The following ZNF114 variants were observed in gnomAD, a reference collection of about 807,000 sequenced individuals.
ZNF114 encodes zinc finger protein 114, also known as zinc finger protein 114 (Y18).
In ZNF114, 8 loss-of-function variants were observed where a neutral mutation model predicts 6.8. That is an observed-to-expected ratio of 1.18 (90% CI 0.69 to 2.13). The LOEUF (loss-of-function observed/expected upper bound fraction) is 2.13, where lower values mean the gene tolerates loss of function less well. Ranked by LOEUF, ZNF114 falls within the 30% of genes most tolerant of loss-of-function variation. ZNF114 has a pLI of 0.00. For synonymous variants in ZNF114, 169 were observed against 185.5 expected (o/e 0.91, Z 0.72); for missense variants, 472 against 519.5 (o/e 0.91, Z 0.89).
At chr19:48,278,516 T>C (rs986914779) in intron 3 of ZNF114, among the ~76,000 whole-genome samples, 5 of 152,232 alleles carry the variant, frequency 3.3e-5, no homozygotes, top group Non-Finnish European at 7.3e-5. Flanking sequence ...CAGAGCTCAC[T>C]GGGTTGTAGT....
In ZNF114 at chr19:48,280,187, A is replaced by C. The variant is rs537830925; in HGVS notation, c.9+379A>C. On this transcript the variant is annotated intron_variant, in intron 4 of 5. Transcript: ENST00000595607. ...CATTTGAGGCCAGGAGTTCAAAACC[A>C]GCCTGGGCAATGTAGCAAGACCACC... Among the ~76,000 whole-genome samples the C allele has an allele frequency of 2.0e-5, 3 of 152,218 alleles. No homozygotes were observed. In the South Asian group the frequency reaches 6.2e-4, roughly 32 times the overall value.
At chr19:48,273,629 C>T (rs1967738173) in intron 3 of ZNF114, among the ~76,000 whole-genome samples, 1 of 151,884 alleles carries the variant, frequency 6.6e-6, no homozygotes, top group Non-Finnish European at 1.5e-5. Flanking sequence ...TCCTTGGGAA[C>T]TATAAGGTCA....
intron 4 of ZNF114, among the ~76,000 whole-genome samples, chr19:48,281,003 G>C (rs7252774): frequency 0.74 from 112,957 of 152,046 alleles, 42,631 homozygotes; most frequent in Middle Eastern, 0.84. Context: ...CAGGGCCACA[G>C]GTGATGGTGT....
intron 4 of ZNF114, 35 bp downstream of exon 4, chr19:48,279,843 T>C: frequency 6.2e-7 from 1 of 1,613,682 alleles, no homozygotes; most frequent in Non-Finnish European, 8.5e-7. Context: ...CAGAAGCGTG[T>C]TGTCGTTCCC....
At position 48,286,959 on chromosome 19, in the gene ZNF114, G is replaced by T; in HGVS notation, c.*81G>T. On this transcript the variant is annotated 3_prime_UTR_variant, in exon 6 of 6. Coordinates refer to ENST00000595607, the MANE Select transcript of ZNF114 (RefSeq NM_153608.4). The stretch of plus-strand genomic sequence containing the variant: ...GACATATTGGAAGGGAGCTCAAGGG[G>T]TTAGCATGAGTGAGAACATCTTCCC... 2 of 1,403,274 alleles carry T rather than the reference G, an allele frequency of 1.4e-6. No homozygotes were observed. Among genetic ancestry groups the T allele is most frequent in the Non-Finnish European group, 1.9e-6 (2 of 1,049,638 alleles). 86.9% of individuals were successfully genotyped at this position (1,403,274 alleles called of 1,614,324 possible). A position where few individuals can be genotyped will look rare whatever the true frequency, so the allele number is the denominator to read the frequency against.
In ZNF114 at chr19:48,285,837, C is replaced by G. The variant is rs1399585868; in HGVS notation, c.213C>G (p.Ala71=). The change falls in exon 6 of 6, where the codon GCC becomes GCG. Residue 71 remains alanine, a synonymous_variant. Coordinates refer to ENST00000595607, the MANE Select transcript of ZNF114 (RefSeq NM_153608.4). ...DILPKRTFPE[A]NRVCLTSISS... ...TTCCTAAAAGAACATTTCCTGAAGC[C>G]AACAGAGTGTGTCTCACGAGCATCA... 13 of 1,614,042 alleles carry G rather than the reference C, an allele frequency of 8.1e-6. No homozygotes were observed. In the African/African-American group the frequency reaches 1.5e-4, roughly 18 times the overall value.
At chr19:48,277,810 T>TGTGTGTGTGTGC (rs1259735902) in intron 3 of ZNF114, among the ~76,000 whole-genome samples, 2 of 151,062 alleles carry the variant, frequency 1.3e-5, no homozygotes, top group African/African-American at 4.9e-5. Flanking sequence ...TGTGTGTGTG[T>TGTGTGTGTGTGC]GTGTGTGTGT....
chr19:48,281,084 C>T (rs1270182003), intron 4 of ZNF114, among the ~76,000 whole-genome samples: 13 of 151,878 alleles, frequency 8.6e-5, no homozygotes, highest in Admixed American at 6.6e-5. Flanking sequence ...TCGAAGCTGC[C>T]GTGAGCTGCA....
chr19:48,286,823 C>A lies in ZNF114; in HGVS notation c.1199C>A (p.Ser400Ter). The change falls in exon 6 of 6, where the codon TCG (serine) becomes TAG (stop). Residue 400 changes from serine to a stop codon, truncating the protein, a stop_gained. Coordinates refer to ENST00000595607, the MANE Select transcript of ZNF114 (RefSeq NM_153608.4). LOFTEE classifies it low-confidence loss of function (END_TRUNC). ...ACATGTGGAAAAGACTTTGCAAAGT[C>A]GTCAGGACTTAAAAAACATCTTAAG... ...CKTCGKDFAKSSGLKKHLKTH... is the reference protein window; with the variant it reads ...CKTCGKDFAK 1 of 1,590,150 alleles carries A rather than the reference C, an allele frequency of 6.3e-7. No individual in the cohort carries two copies. Among genetic ancestry groups the A allele is most frequent in the South Asian group, 1.2e-5 (1 of 85,912 alleles).
At position 48,277,796 on chromosome 19, in the gene ZNF114, T is replaced by G. The variant is rs73942217; in HGVS notation, c.-69-1935T>G. ...ATAGACTGACCAGGGAGGCATTGGG[T>G]GTGTGTGTGTGTGTGTGTGTGTGTG... On this transcript the variant is annotated intron_variant, in intron 3 of 5. Transcript: ENST00000595607. Among the ~76,000 whole-genome samples, 42 of 81,514 alleles carry G rather than the reference T, an allele frequency of 5.2e-4. 1 individual carries two copies. The highest frequency in any genetic ancestry group is 2.4e-3 in the East Asian group (4 of 1,638). 53.5% of individuals were successfully genotyped at this position (81,514 alleles called of 152,430 possible).
chr19:48,281,171 C>A (rs993461005), intron 4 of ZNF114, among the ~76,000 whole-genome samples: 1 of 151,246 alleles, frequency 6.6e-6, no homozygotes, highest in African/African-American at 2.4e-5. Flanking sequence ...GTCATACGAC[C>A]GGACGTCAGT....
chr19:48,281,881 A>C, intron 4 of ZNF114, among the ~76,000 whole-genome samples: 1 of 140,618 alleles, frequency 7.1e-6, no homozygotes, highest in East Asian at 2.1e-4. Context: ...CCCAACCCCC[A>C]GTACAACCTC....
chr19:48,273,968 G>A lies in ZNF114; in HGVS notation c.-70+2140G>A, dbSNP rs190336627. Among the ~76,000 whole-genome samples the A allele has an allele frequency of 8.5e-3, 1,285 of 151,362 alleles. 22 individuals are homozygous for A. Among genetic ancestry groups the A allele is most frequent in the African/African-American group, 0.029 (1,215 of 41,318 alleles). ...GAGACGGGGTTTCACCGTGTTAGCC[G>A]GGATGATCTTGATCTCTTGACCTCG... On this transcript the variant is annotated intron_variant, in intron 3 of 5. Transcript: ENST00000595607.
chr19:48,270,566 GAAAA>G (rs767125256), intron 1 of ZNF114, among the ~76,000 whole-genome samples: 10 of 118,826 alleles, frequency 8.4e-5, no homozygotes, highest in South Asian at 5.8e-4. Flanking sequence ...GAAAGAGAAA[GAAAA>G]AAGAAAGAAG....
chr19:48,285,859 A>G lies in ZNF114; in HGVS notation c.235A>G (p.Ile79Val), dbSNP rs139966212. The change falls in exon 6 of 6, where the codon ATC becomes GTC. Residue 79 changes from isoleucine (I) to valine (V), a missense_variant. Physicochemically the swap from Ile to Val is conservative, Grantham distance 29 (BLOSUM62 3). Transcript: ENST00000595607. ...AGCCAACAGAGTGTGTCTCACGAGC[A>G]TCAGTTCCCAGCACTCCACATTAAG... ...PEANRVCLTS[I>V]SSQHSTLRED... The G allele has an allele frequency of 2.4e-5, 39 of 1,614,124 alleles. No homozygotes were observed. The African/African-American group carries it at 4.9e-4, about 20-fold the overall frequency.
At chr19:48,272,452 G>C (rs1005348660) in intron 3 of ZNF114, among the ~76,000 whole-genome samples, 33 of 148,600 alleles carry the variant, frequency 2.2e-4, no homozygotes, top group African/African-American at 8.2e-4. Flanking sequence ...TAATTAGCCG[G>C]GCATGGTGGC....
intron 4 of ZNF114, 136 bp from the exon 5 acceptor site, chr19:48,282,235 C>G: frequency 2.5e-6 from 3 of 1,222,748 alleles, no homozygotes; most frequent in Non-Finnish European, 2.3e-6. Context: ...TGCAAAGACT[C>G]TAGTTCACAA....
intron 5 of ZNF114, 95 bp from the exon 6 acceptor site, chr19:48,285,666 A>G (rs1316179035): frequency 5.9e-6 from 8 of 1,348,282 alleles, no homozygotes; most frequent in Non-Finnish European, 7.0e-6. Flanking sequence ...GAAAGAAAGA[A>G]AGAGAGAAAT....
intron 3 of ZNF114, 83 bp from the exon 4 acceptor site, chr19:48,279,648 G>T: frequency 1.1e-6 from 1 of 941,188 alleles, no homozygotes; most frequent in Non-Finnish European, 1.7e-6. Flanking sequence ...TTTATATGCT[G>T]AGATTAATGT....
Sources: allele counts gnomAD v4.1 joint callset (sites outside exome capture counted in the v4.1 genomes callset), GRCh38; gene constraint gnomAD v4.1.1; transcripts MANE v1.5; gene names NCBI Gene and HGNC (gene_info 2026-07-23, HGNC 2026-07-21).